The following COLEC12 variants were observed in gnomAD, a reference collection of about 807,000 sequenced individuals.
COLEC12 encodes the protein collectin subfamily member 12.
Under a neutral mutation model 71.1 loss-of-function variants are expected in COLEC12, and 33 were observed. The ratio of observed to expected loss-of-function variants is 0.46; its 90% CI spans 0.35 to 0.62. The LOEUF (loss-of-function observed/expected upper bound fraction) is 0.62, where lower values mean the gene tolerates loss of function less well. Among genes scored for constraint, COLEC12 ranks in the 20% least tolerant of loss-of-function variants. COLEC12 has a pLI of 0.00. For synonymous variants in COLEC12, 350 were observed against 353.0 expected, an observed-to-expected ratio of 0.99 and a Z score of 0.10; for missense variants, 765 against 916.1, an observed-to-expected ratio of 0.84 and a Z score of 2.13.
chr18:487,018 G>A (rs1300240518), intron 1 of COLEC12, among the ~76,000 whole-genome samples: 3 of 152,154 alleles, frequency 2.0e-5, no homozygotes, highest in Non-Finnish European at 4.4e-5. Context: ...ATCTGCACCT[G>A]AATGTTTGTA....
Position 489,528 on chromosome 18 carries a change from T to C in COLEC12, c.8-8771A>G, listed in dbSNP as rs140155609. On this transcript the variant is annotated intron_variant, in intron 1 of 9. Transcript: ENST00000400256. Reference sequence around the variant, plus strand: ...TCCAGAAAAGATTTCTTCGAGAAGATAGAAATGAAAGAATTCCTAATATGT... The same window carrying C: ...TCCAGAAAAGATTTCTTCGAGAAGACAGAAATGAAAGAATTCCTAATATGT... 2.2e-4 allele frequency among the ~76,000 whole-genome samples: 33 copies of C among 152,274 alleles called. 1 individual carries two copies. Among genetic ancestry groups the C allele is most frequent in the African/African-American group, 5.1e-4 (21 of 41,550 alleles).
chr18:404,451 T>C (rs1235717936), intron 2 of COLEC12, among the ~76,000 whole-genome samples: 2 of 152,164 alleles, frequency 1.3e-5, no homozygotes, highest in Non-Finnish European at 2.9e-5. Context: ...TTTTACCAAG[T>C]CATGAACTTG....
chr18:377,055 C>A (rs569003386), intron 2 of COLEC12, among the ~76,000 whole-genome samples: 1 of 152,330 alleles, frequency 6.6e-6, no homozygotes, highest in African/African-American at 2.4e-5. Flanking sequence ...GGTTCCCCTG[C>A]ACGTGTCATT....
chr18:462,808 T>C (rs558697936), intron 2 of COLEC12, among the ~76,000 whole-genome samples: 62 of 152,340 alleles, frequency 4.1e-4, no homozygotes, highest in Non-Finnish European at 8.2e-4. Context: ...TGTGACCACA[T>C]GGATATGGAT....
chr18:423,909 G>A (rs923549143), intron 2 of COLEC12: 1 of 152,114 alleles, frequency 6.6e-6, no homozygotes, highest in African/African-American at 2.4e-5. Flanking sequence ...GAGCTGAAGG[G>A]CTCATCTGAT....
intron 2 of COLEC12, among the ~76,000 whole-genome samples, chr18:390,728 C>T (rs1428748166): frequency 6.6e-5 from 10 of 151,930 alleles, no homozygotes; most frequent in Admixed American, 5.9e-4. Context: ...TCACTGCACT[C>T]CAGCCTGGGC....
chr18:439,796 A>T (rs1450646293), intron 2 of COLEC12, among the ~76,000 whole-genome samples: 1 of 152,198 alleles, frequency 6.6e-6, no homozygotes, highest in East Asian at 1.9e-4. Flanking sequence ...CTGCAAAAAA[A>T]GTAAAAACAG....
chr18:470,433 C>G (rs1464811247), intron 2 of COLEC12, among the ~76,000 whole-genome samples: 2 of 151,552 alleles, frequency 1.3e-5, no homozygotes, highest in Non-Finnish European at 2.9e-5. Flanking sequence ...TGGGGTTTCA[C>G]CATGTTGGCC....
intron 2 of COLEC12, among the ~76,000 whole-genome samples, chr18:445,774 G>A (rs9965468): frequency 0.94 from 143,154 of 152,038 alleles, 67,470 homozygotes; most frequent in East Asian, 1. Flanking sequence ...CTGGGATTAC[G>A]GGTGTGCACA....
intron 3 of COLEC12, among the ~76,000 whole-genome samples, chr18:355,047 G>C (rs867472268): frequency 6.7e-6 from 1 of 150,262 alleles, no homozygotes; most frequent in South Asian, 2.1e-4. Flanking sequence ...ATCCATCCAT[G>C]CATCCATCCA....
At position 327,543 on chromosome 18, in the gene COLEC12, C is replaced by A. The variant is rs748381086; in HGVS notation, c.2063+4125G>T. On this transcript the variant is annotated intron_variant, in intron 8 of 9. Transcript: ENST00000400256. This position sits in a 1 kb window ranked among gnomAD's most constrained non-coding sequence, Gnocchi z 4.0. ...CATGGGAAATAAGCCTGAGCTCAAT[C>A]TGTGTGTCCCCTAAGCCTTTGGCTT... Among the ~76,000 whole-genome samples, 7 of 152,210 alleles carry A rather than the reference C, an allele frequency of 4.6e-5. No individual in the cohort carries two copies. The highest frequency in any genetic ancestry group is 8.8e-5 in the Non-Finnish European group (6 of 68,036).
chr18:406,540 A>AAAAAAG (rs1915793417), intron 2 of COLEC12, among the ~76,000 whole-genome samples: 1 of 145,918 alleles, frequency 6.9e-6, no homozygotes, highest in African/African-American at 2.5e-5. Context: ...AAAAAAAAAA[A>AAAAAAG]GGGCAACCAG....
intron 3 of COLEC12, among the ~76,000 whole-genome samples, chr18:355,758 C>A (rs1914617076): frequency 6.6e-6 from 1 of 152,138 alleles, no homozygotes; most frequent in Non-Finnish European, 1.5e-5. Flanking sequence ...GAGTAATGAC[C>A]TAAATAATCT....
intron 2 of COLEC12, among the ~76,000 whole-genome samples, chr18:458,844 ACTT>A (rs1444421017): frequency 6.6e-6 from 1 of 152,162 alleles, no homozygotes; most frequent in African/African-American, 2.4e-5. Context: ...TACTCAGATA[ACTT>A]CTTTTTGAGA....
At chr18:420,829 G>A (rs1916084458) in intron 2 of COLEC12, among the ~76,000 whole-genome samples, 1 of 152,070 alleles carries the variant, frequency 6.6e-6, no homozygotes, top group African/African-American at 2.4e-5. Context: ...ATAGCCAAGG[G>A]CCCAGAAAGG....
intron 3 of COLEC12, among the ~76,000 whole-genome samples, chr18:352,574 C>A (rs1555613899): frequency 6.6e-6 from 1 of 152,090 alleles, no homozygotes; most frequent in Admixed American, 6.6e-5. Flanking sequence ...ATTTTCCCTG[C>A]CCACAAGTGC....
At chr18:437,772 C>A (rs185291358) in intron 2 of COLEC12, among the ~76,000 whole-genome samples, 5 of 152,284 alleles carry the variant, frequency 3.3e-5, no homozygotes, top group Admixed American at 1.3e-4. Flanking sequence ...GTTAAGTGAG[C>A]CTCTCCCAGG....
chr18:451,701 C>T (rs1025838647), intron 2 of COLEC12, among the ~76,000 whole-genome samples: 8 of 151,656 alleles, frequency 5.3e-5, no homozygotes, highest in Admixed American at 4.6e-4. Context: ...GAGTCGAGAT[C>T]ACGCCACTGC....
chr18:360,773 C>A (rs1448197646), intron 2 of COLEC12, among the ~76,000 whole-genome samples: 2 of 152,132 alleles, frequency 1.3e-5, no homozygotes, highest in Non-Finnish European at 2.9e-5. Context: ...GTTAACCAAT[C>A]CCTTGAAGGT....
Sources: allele counts gnomAD v4.1 joint callset (sites outside exome capture counted in the v4.1 genomes callset), GRCh38; gene constraint gnomAD v4.1.1; non-coding constraint Gnocchi (gnomAD v3.1); transcripts MANE v1.5; gene names NCBI Gene and HGNC (gene_info 2026-07-23, HGNC 2026-07-21).